LRRC4C: variants seen among roughly 807,000 people sequenced by gnomAD.
LRRC4C encodes leucine-rich repeat-containing protein 4C.
A neutral mutation model predicts 33.6 loss-of-function variants in LRRC4C; 5 were observed. The ratio of observed to expected loss-of-function variants is 0.15; its 90% CI spans 0.08 to 0.31. LRRC4C has a LOEUF of 0.31. Ranked by LOEUF, LRRC4C falls within the 10% of genes least tolerant of loss-of-function variation. LRRC4C has a pLI of 1.00. For missense variants in LRRC4C, 560 were observed against 796.7 expected, an observed-to-expected ratio of 0.70 and a Z score of 3.58; for synonymous variants, 329 against 302.0, an observed-to-expected ratio of 1.09 and a Z score of -0.93.
At chr11:41,270,852 A>G (rs1949298578) in intron 1 of LRRC4C, among the ~76,000 whole-genome samples, 1 of 152,068 alleles carries the variant, frequency 6.6e-6, no homozygotes, top group African/African-American at 2.4e-5. Context: ...CGAGGTTGGC[A>G]GGTTTGGTTA....
intron 3 of LRRC4C, among the ~76,000 whole-genome samples, chr11:40,383,142 T>G (rs1948959266): frequency 6.6e-6 from 1 of 152,230 alleles, no homozygotes; most frequent in South Asian, 2.1e-4. Context: ...GTCTGGCTTA[T>G]TTCACCTAGC....
rs1238019634 is a variant in LRRC4C, at chr11:40,445,365, C to G, written c.-269-125644G>C. The G allele has an allele frequency of 2.6e-5, 4 of 153,106 alleles. No individual in the cohort carries two copies. In the East Asian group the frequency reaches 5.8e-4, roughly 22 times the overall value. The allele number at this position is 153,106 out of a possible 1,614,324, so 9.5% of individuals were successfully genotyped here. A position where few individuals can be genotyped will look rare whatever the true frequency, so the allele number is the denominator to read the frequency against. ...ATAAGGGTTTCCACTTGTGAGTTTT[C>G]TGTGTCTAGTGATGAGTAACCAGTT... On this transcript the variant is annotated intron_variant, in intron 3 of 6. Coordinates refer to ENST00000528697, the MANE Select transcript of LRRC4C (RefSeq NM_001258419.2).
chr11:40,226,541 A>G (rs1329528513), intron 5 of LRRC4C, among the ~76,000 whole-genome samples: 1 of 152,198 alleles, frequency 6.6e-6, no homozygotes, highest in Non-Finnish European at 1.5e-5. Context: ...TTCATACAAC[A>G]TTACTAACCT....
intron 1 of LRRC4C, among the ~76,000 whole-genome samples, chr11:40,936,925 A>G (rs1179499327): frequency 1.3e-5 from 2 of 152,158 alleles, no homozygotes; most frequent in African/African-American, 2.4e-5. Flanking sequence ...CAAGAAGGCA[A>G]TCACTCTTAA....
chr11:40,118,407 C>T (rs1182994583), intron 6 of LRRC4C, among the ~76,000 whole-genome samples: 1 of 151,828 alleles, frequency 6.6e-6, no homozygotes, highest in East Asian at 1.9e-4. Context: ...GAATCCTTAC[C>T]TCGTGGGAAT....
chr11:41,056,399 C>CA (rs1334218191), intron 1 of LRRC4C, among the ~76,000 whole-genome samples: 2 of 152,070 alleles, frequency 1.3e-5, no homozygotes, highest in African/African-American at 4.8e-5. Context: ...ACAATAAAAA[C>CA]AAAAATTGAC....
rs549325076 is a variant in LRRC4C, at chr11:41,030,675, A to G, written c.-495-96952T>C. On this transcript the variant is annotated intron_variant, in intron 1 of 6. Transcript: ENST00000528697. ...CAAATAGTAGACCTTGTTTTCTACC[A>G]TCGTGTTTGATTTCAAGATACATTT... Among the ~76,000 whole-genome samples the G allele has an allele frequency of 1.2e-3, 184 of 151,924 alleles. 1 individual carries two copies. The highest frequency in any genetic ancestry group is 1.6e-3 in the Non-Finnish European group (110 of 67,914).
chr11:40,496,051 G>T (rs528256856), intron 3 of LRRC4C, among the ~76,000 whole-genome samples: 2 of 151,788 alleles, frequency 1.3e-5, no homozygotes, highest in Non-Finnish European at 2.9e-5. Flanking sequence ...GGCTGGTTTC[G>T]AACTCCCGAC....
In LRRC4C at chr11:40,875,102, C is replaced by A. The variant is rs772855210; in HGVS notation, c.-407+58533G>T. Among the ~76,000 whole-genome samples, 32 of 152,024 alleles carry A rather than the reference C, an allele frequency of 2.1e-4. 1 individual carries two copies. The highest frequency in any genetic ancestry group is 3.9e-4 in the Admixed American group (6 of 15,260). On this transcript the variant is annotated intron_variant, in intron 2 of 6. Coordinates refer to ENST00000528697, the MANE Select transcript of LRRC4C (RefSeq NM_001258419.2). ...AACATTTATTATTATTATTTTAGTACACAAGAATGCAATTAAGAGTCCAGA... is the reference window on the plus strand; with the variant it reads ...AACATTTATTATTATTATTTTAGTAAACAAGAATGCAATTAAGAGTCCAGA...
chr11:40,642,950 T>C (rs1003096811), intron 3 of LRRC4C, among the ~76,000 whole-genome samples: 6 of 152,172 alleles, frequency 3.9e-5, no homozygotes, highest in African/African-American at 1.2e-4. Context: ...AATAGAACTT[T>C]TTTCCTTCCT....
intron 3 of LRRC4C, among the ~76,000 whole-genome samples, chr11:40,564,434 T>G (rs1957675243): frequency 1.3e-5 from 2 of 152,220 alleles, no homozygotes; most frequent in East Asian, 3.9e-4. Context: ...CCATCGTAAA[T>G]GCACTGGTGA....
chr11:40,377,727 GT>G (rs1273717838), intron 3 of LRRC4C, among the ~76,000 whole-genome samples: 1 of 152,006 alleles, frequency 6.6e-6, no homozygotes, highest in African/African-American at 2.4e-5. Context: ...TAATCCAGAA[GT>G]TTTTTGAGAG....
At chr11:41,112,710 T>G (rs1941905124) in intron 1 of LRRC4C, among the ~76,000 whole-genome samples, 1 of 152,106 alleles carries the variant, frequency 6.6e-6, no homozygotes, top group African/African-American at 2.4e-5. Flanking sequence ...GGAAAAGCAT[T>G]TTATTCAAGG....
At chr11:40,288,179 G>T (rs559513152) in intron 4 of LRRC4C, among the ~76,000 whole-genome samples, 1 of 152,254 alleles carries the variant, frequency 6.6e-6, no homozygotes, top group Non-Finnish European at 1.5e-5. Flanking sequence ...ACGTGGCCCA[G>T]TGGGAAGCTG....
At position 40,752,293 on chromosome 11, in the gene LRRC4C, C is replaced by T. The variant is rs544137839; in HGVS notation, c.-406-104015G>A. Among the ~76,000 whole-genome samples, 16 of 152,040 alleles carry T rather than the reference C, an allele frequency of 1.1e-4. No individual in the cohort carries two copies. The South Asian group carries it at 3.3e-3, about 32-fold the overall frequency. Reference sequence around the variant, plus strand: ...GATTCTACACAGCAAAGGAAACAATCAACAGAGTAAAGAGATAACCTACAG... The same window carrying T: ...GATTCTACACAGCAAAGGAAACAATTAACAGAGTAAAGAGATAACCTACAG... On this transcript the variant is annotated intron_variant, in intron 2 of 6. Transcript: ENST00000528697.
intron 2 of LRRC4C, among the ~76,000 whole-genome samples, chr11:40,896,357 C>A (rs1225069232): frequency 6.6e-6 from 1 of 152,148 alleles, no homozygotes; most frequent in Non-Finnish European, 1.5e-5. Flanking sequence ...TGAAATATAT[C>A]ATTTCCAGAT....
chr11:41,280,520 G>T (rs1266581493), intron 1 of LRRC4C, among the ~76,000 whole-genome samples: 1 of 152,188 alleles, frequency 6.6e-6, no homozygotes, highest in Non-Finnish European at 1.5e-5. Context: ...TCTGTGCCCT[G>T]TGCCTGATGA....
intron 1 of LRRC4C, among the ~76,000 whole-genome samples, chr11:41,359,324 C>T (rs2137651735): frequency 6.6e-6 from 1 of 152,134 alleles, no homozygotes; most frequent in African/African-American, 2.4e-5. Flanking sequence ...CAAGAGTGAA[C>T]TCTAATATAA....
intron 2 of LRRC4C, among the ~76,000 whole-genome samples, chr11:40,794,027 T>C (rs961973501): frequency 6.6e-5 from 10 of 152,136 alleles, no homozygotes; most frequent in African/African-American, 2.4e-4. Context: ...TATGGCTGAC[T>C]AGGCTTCTTT....
Sources: gnomAD v4.1 joint callset for allele counts (sites outside exome capture counted in the v4.1 genomes callset) on GRCh38, gnomAD v4.1.1 for gene constraint, MANE v1.5 for transcripts, NCBI Gene and HGNC (gene_info 2026-07-23, HGNC 2026-07-21) for gene names.